UNC13C: variants seen among roughly 807,000 people sequenced by gnomAD.
The protein encoded by UNC13C is unc-13 homolog C, also known as protein unc-13 homolog C.
In UNC13C, 174 loss-of-function variants were observed where a neutral mutation model predicts 245.4. That is an observed-to-expected ratio of 0.71 (90% CI 0.63 to 0.80). The LOEUF (loss-of-function observed/expected upper bound fraction) is 0.80. UNC13C is among the 30% of genes least tolerant of loss of function. UNC13C has a pLI of 0.00. For synonymous variants in UNC13C, 992 were observed against 895.1 expected (o/e 1.11, Z -1.93); for missense variants, 2,829 against 2,602.9 (o/e 1.09, Z -1.89).
chr15:54,407,640 C>T (rs901249573), intron 18 of UNC13C, among the ~76,000 whole-genome samples: 2 of 151,984 alleles, frequency 1.3e-5, no homozygotes, highest in African/African-American at 4.8e-5. Context: ...ACCAGTGTAT[C>T]ATAATGTTTT....
intron 32 of UNC13C, among the ~76,000 whole-genome samples, chr15:54,624,243 T>C (rs1472304555): frequency 6.6e-6 from 1 of 152,180 alleles, no homozygotes; most frequent in Non-Finnish European, 1.5e-5. Flanking sequence ...ATTTGTCATA[T>C]GGCATTAAAT....
chr15:54,469,047 A>G (rs1471524352), intron 19 of UNC13C, among the ~76,000 whole-genome samples: 2 of 151,646 alleles, frequency 1.3e-5, no homozygotes, highest in Admixed American at 6.6e-5. Context: ...TTTTAACAAT[A>G]TTAATTATTC....
At chr15:54,080,625 CTT>C (rs1555412476) in intron 2 of UNC13C, among the ~76,000 whole-genome samples, 1 of 151,972 alleles carries the variant, frequency 6.6e-6, no homozygotes, top group Non-Finnish European at 1.5e-5. Context: ...TCATAGTAGT[CTT>C]TATGGATCTT....
At chr15:54,326,218 A>C (rs1408670477) in intron 14 of UNC13C, among the ~76,000 whole-genome samples, 3 of 152,082 alleles carry the variant, frequency 2.0e-5, no homozygotes, top group Non-Finnish European at 4.4e-5. Context: ...GTTGTCAGGA[A>C]AGACAAGTGT....
At chr15:54,282,614 G>C (rs957615680) in intron 10 of UNC13C, among the ~76,000 whole-genome samples, 1 of 152,164 alleles carries the variant, frequency 6.6e-6, no homozygotes, top group African/African-American at 2.4e-5. Flanking sequence ...TAGCAGCTCA[G>C]TTGGCCCCTT....
At chr15:54,457,293 A>C (rs945304995) in intron 19 of UNC13C, among the ~76,000 whole-genome samples, 3 of 151,998 alleles carry the variant, frequency 2.0e-5, no homozygotes, top group Admixed American at 6.6e-5. Flanking sequence ...TATTTTGTTA[A>C]GGTTTTTTGC....
At chr15:53,890,413 T>C in the UNC13C span, among the ~76,000 whole-genome samples, 1 of 152,192 alleles carries the variant, frequency 6.6e-6, no homozygotes, top group Non-Finnish European at 1.5e-5. Flanking sequence ...AGTGCTGGGA[T>C]TACAGGCATG....
chr15:54,554,237 A>G (rs1896999288), intron 28 of UNC13C, among the ~76,000 whole-genome samples: 1 of 152,016 alleles, frequency 6.6e-6, no homozygotes, highest in South Asian at 2.1e-4. Flanking sequence ...CGAGACATAG[A>G]TAGATTATTA....
chr15:54,348,237 T>C (rs1479610317), intron 17 of UNC13C, among the ~76,000 whole-genome samples: 1 of 152,152 alleles, frequency 6.6e-6, no homozygotes, highest in Non-Finnish European at 1.5e-5. Context: ...TTCGGTATGG[T>C]CTCTTAAAGG....
chr15:54,116,012 TA>T (rs1340442963), intron 2 of UNC13C, among the ~76,000 whole-genome samples: 6 of 152,166 alleles, frequency 3.9e-5, no homozygotes, highest in Non-Finnish European at 7.4e-5. Context: ...TTAATTGAGA[TA>T]AAATATACAT....
intron 4 of UNC13C, among the ~76,000 whole-genome samples, chr15:54,187,455 C>T (rs1053930056): frequency 6.6e-6 from 1 of 152,092 alleles, no homozygotes; most frequent in Non-Finnish European, 1.5e-5. Flanking sequence ...CTCAATAACT[C>T]TTTAGTTTTG....
intron 2 of UNC13C, among the ~76,000 whole-genome samples, chr15:54,032,551 T>C (rs1302898525): frequency 6.6e-6 from 1 of 152,164 alleles, no homozygotes; most frequent in Non-Finnish European, 1.5e-5. Flanking sequence ...GATGCAACAG[T>C]AGACAACAAA....
chr15:54,581,785 G>T (rs746442772), intron 30 of UNC13C, among the ~76,000 whole-genome samples: 4 of 152,080 alleles, frequency 2.6e-5, no homozygotes, highest in African/African-American at 9.7e-5. Flanking sequence ...TCTAGGAGTC[G>T]GGCTCAAATA....
chr15:54,455,205 C>CTCTCTCTCTATATATATA (rs1388065398), intron 19 of UNC13C, among the ~76,000 whole-genome samples: 8 of 18,964 alleles, frequency 4.2e-4, no homozygotes, highest in Admixed American at 8.8e-4. Flanking sequence ...CTCTCTCTCT[C>CTCTCTCTCTATATATATA]TATATATATA....
In UNC13C at chr15:54,077,721, C is replaced by T. The variant is rs138897951; in HGVS notation, c.2983+61835C>T. ...AGATGCTGTTTTATTAGTCCCATAA[C>T]ATCTAATTAAATTTAATAGCAATAA... is the stretch of plus-strand genomic sequence containing the variant. On this transcript the variant is annotated intron_variant, in intron 2 of 32. Transcript: ENST00000260323. Among the ~76,000 whole-genome samples the T allele has an allele frequency of 5.9e-5, 9 of 152,164 alleles. No individual in the cohort carries two copies. In the East Asian group the frequency reaches 1.5e-3, roughly 26 times the overall value.
intron 30 of UNC13C, among the ~76,000 whole-genome samples, chr15:54,577,203 A>AC (rs1443584773): frequency 8.7e-6 from 1 of 114,338 alleles, no homozygotes; most frequent in Non-Finnish European, 1.9e-5. Context: ...GAAAAAGACT[A>AC]CTTTTTTTTG....
intron 30 of UNC13C, among the ~76,000 whole-genome samples, chr15:54,610,941 A>T (rs1049654950): frequency 1.3e-5 from 2 of 152,236 alleles, no homozygotes; most frequent in Non-Finnish European, 2.9e-5. Context: ...TATTAAAAAA[A>T]TTTTAGACAA....
chr15:54,578,073 G>A (rs1467137400), intron 30 of UNC13C, among the ~76,000 whole-genome samples: 1 of 152,172 alleles, frequency 6.6e-6, no homozygotes, highest in Non-Finnish European at 1.5e-5. Context: ...CACTTTCTCA[G>A]AATACAGTTT....
intron 19 of UNC13C, among the ~76,000 whole-genome samples, chr15:54,489,517 G>A (rs142267302): frequency 6.6e-6 from 1 of 152,284 alleles, no homozygotes; most frequent in Non-Finnish European, 1.5e-5. Flanking sequence ...GTATGTATAT[G>A]TATGCAAGAA....
Sources: gnomAD v4.1 joint callset for allele counts (sites outside exome capture counted in the v4.1 genomes callset) on GRCh38, gnomAD v4.1.1 for gene constraint, MANE v1.5 for transcripts, NCBI Gene and HGNC (gene_info 2026-07-23, HGNC 2026-07-21) for gene names.